CENPN: variants seen among roughly 807,000 people sequenced by gnomAD.
The protein encoded by CENPN is interphase centromere complex protein 32.
In CENPN, 36 loss-of-function variants were observed where a neutral mutation model predicts 48.6. That is an observed-to-expected ratio of 0.74 (90% CI 0.57 to 0.98). CENPN has a LOEUF of 0.98. Among genes scored for constraint, CENPN ranks in the 50% least tolerant of loss-of-function variants. The pLI, the probability that CENPN is intolerant of heterozygous loss-of-function variation, is 0.00. For missense variants in CENPN, 439 were observed against 399.2 expected (o/e 1.10, Z -0.85); for synonymous variants, 166 against 135.2 (o/e 1.23, Z -1.58).
At chr16:81,014,825 T>G (rs1969874047) in intron 3 of CENPN, among the ~76,000 whole-genome samples, 1 of 152,198 alleles carries the variant, frequency 6.6e-6, no homozygotes, top group South Asian at 2.1e-4. Context: ...TTTCAACTAG[T>G]ATGAAAGCAG....
intron 1 of CENPN, among the ~76,000 whole-genome samples, chr16:81,009,269 TGGGTG>T (rs1399033953): frequency 6.6e-6 from 1 of 152,174 alleles, no homozygotes; most frequent in Non-Finnish European, 1.5e-5. Flanking sequence ...AACTTTTGGT[TGGGTG>T]GTCAGGATAA....
chr16:81,014,632 C>T (rs1470164434), intron 3 of CENPN, among the ~76,000 whole-genome samples: 1 of 152,164 alleles, frequency 6.6e-6, no homozygotes, highest in African/African-American at 2.4e-5. Context: ...CATCACCTTT[C>T]TGAGCCTCAG....
chr16:81,010,628 C>T (rs1969699328), intron 1 of CENPN, among the ~76,000 whole-genome samples: 1 of 152,128 alleles, frequency 6.6e-6, no homozygotes, highest in Admixed American at 6.6e-5. Flanking sequence ...GCTGTTTATT[C>T]GGTATCTCCA....
At chr16:81,017,281 A>C in intron 3 of CENPN, 45 bp from the exon 4 acceptor site, 1 of 1,300,720 alleles carries the variant, frequency 7.7e-7, no homozygotes. Flanking sequence ...TATTACTTCA[A>C]AGTTCTATGA....
At chr16:81,010,083 T>C (rs1437884352) in intron 1 of CENPN, among the ~76,000 whole-genome samples, 1 of 151,952 alleles carries the variant, frequency 6.6e-6, no homozygotes, top group Non-Finnish European at 1.5e-5. Flanking sequence ...CCTGCAGTCC[T>C]AGCTACCTGG....
At chr16:81,011,860 T>G in intron 1 of CENPN, 70 bp from the exon 2 acceptor site, 1 of 1,262,190 alleles carries the variant, frequency 7.9e-7, no homozygotes, top group Non-Finnish European at 1.1e-6. Context: ...TGTATGTGTA[T>G]GTGTAAATAA....
intron 5 of CENPN, among the ~76,000 whole-genome samples, chr16:81,018,566 G>C (rs1026701613): frequency 6.6e-6 from 1 of 152,152 alleles, no homozygotes; most frequent in Non-Finnish European, 1.5e-5. Context: ...CAAACCTGAA[G>C]CACCCTTGAT....
rs543229139 is a variant in CENPN at position 81,020,476 on chromosome 16, T to A, written c.531+200T>A. ...AGTCCAAGGCTGCCGTGAGCTGCGATCACAAGACAAAGCAACACCCCACCT... is the reference window on the plus strand; with the variant it reads ...AGTCCAAGGCTGCCGTGAGCTGCGAACACAAGACAAAGCAACACCCCACCT... On this transcript the variant is annotated intron_variant, in intron 6 of 10. Coordinates refer to ENST00000305850, the MANE Select transcript of CENPN (RefSeq NM_001100624.3). The A allele has an allele frequency of 2.9e-5, 13 of 448,526 alleles. No individual in the cohort carries two copies. In the East Asian group the frequency reaches 4.5e-4, roughly 16 times the overall value. 27.8% of individuals were successfully genotyped at this position (448,526 alleles called of 1,614,324 possible). A position where few individuals can be genotyped will look rare whatever the true frequency, so the allele number is the denominator to read the frequency against.
intron 6 of CENPN, among the ~76,000 whole-genome samples, chr16:81,021,999 T>A (rs1970233708): frequency 6.6e-6 from 1 of 152,198 alleles, no homozygotes; most frequent in South Asian, 2.1e-4. Context: ...CTTCAAGTGA[T>A]CCACCTGCCT....
In CENPN at chr16:81,011,975, C is replaced by G. The variant is rs570065574; in HGVS notation, c.36C>G (p.Thr12=). 6.2e-7 allele frequency: 1 copy of G among 1,614,066 alleles called. No individual in the cohort carries two copies. The highest frequency in any genetic ancestry group is 8.5e-7 in the Non-Finnish European group (1 of 1,179,982). ...CTGTTGCTGAGTTCATCAAGAGGAC[C>G]ATCTTGAAAATCCCCATGAATGAAC... ...DETVAEFIKR[T]ILKIPMNELT... Residue 12 remains threonine, a synonymous_variant, in exon 2 of 11, where the codon ACC becomes ACG. Transcript: ENST00000305850.
At chr16:81,018,376 G>A (rs1970022407) in intron 5 of CENPN, among the ~76,000 whole-genome samples, 1 of 152,054 alleles carries the variant, frequency 6.6e-6, no homozygotes, top group African/African-American at 2.4e-5. Flanking sequence ...GTTTCTCCAT[G>A]TTGACCAGGC....
At chr16:81,018,905 C>G (rs1970048443) in intron 5 of CENPN, among the ~76,000 whole-genome samples, 1 of 152,244 alleles carries the variant, frequency 6.6e-6, no homozygotes, top group African/African-American at 2.4e-5. Flanking sequence ...CAAGTCCCTC[C>G]TTTCTAGGCT....
intron 1 of CENPN, among the ~76,000 whole-genome samples, chr16:81,009,224 G>A (rs549767158): frequency 6.6e-6 from 1 of 152,216 alleles, no homozygotes; most frequent in South Asian, 2.1e-4. Context: ...CTAAAAAAAA[G>A]GAAAAAAACA....
At chr16:81,008,611 A>C (rs1349993306) in intron 1 of CENPN, among the ~76,000 whole-genome samples, 1 of 152,080 alleles carries the variant, frequency 6.6e-6, no homozygotes, top group Non-Finnish European at 1.5e-5. Context: ...ACCTCAAGTG[A>C]TACACCACGC....
At chr16:81,014,042 A>G in intron 2 of CENPN, 94 bp from the exon 3 acceptor site, 1 of 929,928 alleles carries the variant, frequency 1.1e-6, no homozygotes, top group Non-Finnish European at 1.7e-6. Flanking sequence ...AGAATGTGCT[A>G]ATAGTCTGTT....
At position 81,030,349 on chromosome 16, in the gene CENPN, T is replaced by TGTGAAA. The variant is rs1318431391; in HGVS notation, c.*1698_*1699insGTGAAA. ...TGGCTCACACTTGTAATCCCAGCAC[T>TGTGAAA]TCAGGAGGTTTCTCCTAGTGTACTC... is the stretch of plus-strand genomic sequence containing the variant. On this transcript the variant is annotated 3_prime_UTR_variant, in exon 11 of 11. Coordinates refer to ENST00000305850, the MANE Select transcript of CENPN (RefSeq NM_001100624.3). 2.0e-6 allele frequency: 2 copies of TGTGAAA among 985,244 alleles called. No homozygotes were observed. The highest frequency in any genetic ancestry group is 1.2e-4 in the Admixed American group (2 of 16,264). 61.0% of individuals were successfully genotyped at this position (985,244 alleles called of 1,614,324 possible).
At position 81,028,984 on chromosome 16, in the gene CENPN, C is replaced by G; in HGVS notation, c.*333C>G. The stretch of plus-strand genomic sequence containing the variant: ...GACTTTTGGGTTTGTGTCCTTTTTT[C>G]TATGGCTGTCTCTTCTCAATTCTGG... On this transcript the variant is annotated 3_prime_UTR_variant, in exon 11 of 11. Transcript: ENST00000305850. The G allele has an allele frequency of 9.9e-7, 1 of 1,006,658 alleles. No homozygotes were observed. Among genetic ancestry groups the G allele is most frequent in the South Asian group, 4.5e-5 (1 of 22,216 alleles). The allele number at this position is 1,006,658 out of a possible 1,614,324, so 62.4% of individuals were successfully genotyped here. A position where few individuals can be genotyped will look rare whatever the true frequency, so the allele number is the denominator to read the frequency against.
chr16:81,032,420 G>C (rs1326934285), downstream of CENPN: 1 of 684,652 alleles, frequency 1.5e-6, no homozygotes, highest in Non-Finnish European at 2.5e-6. Flanking sequence ...TATGAAAAAG[G>C]GTATATAAGC....
chr16:81,028,000 C>T (rs1015564587), intron 9 of CENPN, among the ~76,000 whole-genome samples, 171 bp from the exon 10 acceptor site: 13 of 152,204 alleles, frequency 8.5e-5, no homozygotes, highest in African/African-American at 2.9e-4. Context: ...CCACTTTGCC[C>T]GACCTGCCCT....
Sources: gnomAD v4.1 joint callset for allele counts (sites outside exome capture counted in the v4.1 genomes callset) on GRCh38, gnomAD v4.1.1 for gene constraint, MANE v1.5 for transcripts, NCBI Gene and HGNC (gene_info 2026-07-23, HGNC 2026-07-21) for gene names.